The following SLC20A2 variants were observed in gnomAD, a reference collection of about 807,000 sequenced individuals.
SLC20A2 encodes sodium-dependent phosphate transporter 2.
Under a neutral mutation model 61.0 loss-of-function variants are expected in SLC20A2, and 30 were observed. That is an observed-to-expected ratio of 0.49 (90% CI 0.37 to 0.67). The LOEUF (loss-of-function observed/expected upper bound fraction) is 0.67, where lower values mean the gene tolerates loss of function less well. Among genes scored for constraint, SLC20A2 ranks in the 30% least tolerant of loss-of-function variants. The pLI is 0.00. For missense variants in SLC20A2, 626 were observed against 866.4 expected, an observed-to-expected ratio of 0.72 and a Z score of 3.48; for synonymous variants, 351 against 353.3, an observed-to-expected ratio of 0.99 and a Z score of 0.07.
At chr8:42,423,381 G>A (rs151234114) in intron 10 of SLC20A2, among the ~76,000 whole-genome samples, 2 of 150,620 alleles carry the variant, frequency 1.3e-5, no homozygotes, top group Non-Finnish European at 3.0e-5. Context: ...ATAGAGACAG[G>A]GTCTCACTAT....
intron 4 of SLC20A2, chr8:42,460,240 G>A (rs1806590741): frequency 5.5e-6 from 2 of 361,496 alleles, no homozygotes; most frequent in African/African-American, 4.1e-5. Flanking sequence ...ACACATTAAA[G>A]CCCTGGAATC....
intron 6 of SLC20A2, among the ~76,000 whole-genome samples, chr8:42,442,522 GT>G (rs1804863911): frequency 1.3e-5 from 2 of 152,172 alleles, no homozygotes; most frequent in African/African-American, 4.8e-5. Flanking sequence ...TGCCACATTA[GT>G]GTGGGTCTAT....
chr8:42,494,421 A>G (rs1181202628), intron 1 of SLC20A2, among the ~76,000 whole-genome samples: 2 of 152,190 alleles, frequency 1.3e-5, no homozygotes, highest in African/African-American at 4.8e-5. Flanking sequence ...CTTATTGAAG[A>G]AAAAAATTAA....
intron 1 of SLC20A2, among the ~76,000 whole-genome samples, chr8:42,473,389 T>G (rs939407362): frequency 6.6e-6 from 1 of 152,082 alleles, no homozygotes; most frequent in African/African-American, 2.4e-5. Context: ...TCCCTCACAA[T>G]GCCCTGGTGT....
At chr8:42,531,925 T>G (rs961867409) in intron 1 of SLC20A2, among the ~76,000 whole-genome samples, 16 of 151,974 alleles carry the variant, frequency 1.1e-4, no homozygotes, top group African/African-American at 3.6e-4. Context: ...TTCAAGAAAT[T>G]CTCCTGCCCC....
intron 1 of SLC20A2, among the ~76,000 whole-genome samples, chr8:42,487,594 T>G (rs978576031): frequency 8.5e-5 from 13 of 152,220 alleles, no homozygotes; most frequent in African/African-American, 2.4e-5. Flanking sequence ...TCTTCATTCC[T>G]TACAGCAACA....
Position 42,437,011 on chromosome 8 carries a change from C to A in SLC20A2, c.1501G>T (p.Ala501Ser). 1 of 1,609,090 alleles carries A rather than the reference C, an allele frequency of 6.2e-7. No homozygotes were observed. ...CACCTCACGTCATTGCCGCCGTGAG[C>A]AAAGGACCCGAAACAGGCGGTGAGG... is the stretch of plus-strand genomic sequence containing the variant. ...QVLTACFGSF[A>S]HGGNDVSNAI... The change falls in exon 8 of 11, where the codon GCT becomes TCT. Residue 501 changes from alanine (A) to serine (S), a missense_variant. Physicochemically the swap from Ala to Ser is moderately conservative, Grantham distance 99. Around this residue, in one of 3 missense-constraint regions of SLC20A2, gnomAD observed 138 missense variants for 228.7 expected, o/e 0.60. Transcript: ENST00000520262. This position sits in a 1 kb window ranked among gnomAD's most constrained non-coding sequence, Gnocchi z 6.4.
chr8:42,508,735 T>C (rs1419622984), intron 1 of SLC20A2, among the ~76,000 whole-genome samples: 2 of 152,048 alleles, frequency 1.3e-5, no homozygotes, highest in Non-Finnish European at 2.9e-5. Context: ...CTCTCAACAG[T>C]AGCAGGAGTA....
At chr8:42,476,184 C>T (rs1388785310) in intron 1 of SLC20A2, among the ~76,000 whole-genome samples, 1 of 150,298 alleles carries the variant, frequency 6.7e-6, no homozygotes, top group East Asian at 2.0e-4. Context: ...GCAAGCTCCG[C>T]CTCCTGGGTT....
intron 6 of SLC20A2, among the ~76,000 whole-genome samples, chr8:42,444,290 T>C (rs1263913913): frequency 6.6e-6 from 1 of 152,210 alleles, no homozygotes; most frequent in African/African-American, 2.4e-5. Context: ...ACATATGGAA[T>C]TGCAGGAACT....
At chr8:42,436,638 G>C (rs527347616) in intron 8 of SLC20A2, among the ~76,000 whole-genome samples, 31 of 152,238 alleles carry the variant, frequency 2.0e-4, no homozygotes, top group Non-Finnish European at 4.1e-4. Flanking sequence ...CTCCTAGCTT[G>C]TCCTGGAGAA....
chr8:42,509,489 T>C (rs1184191462), intron 1 of SLC20A2, among the ~76,000 whole-genome samples: 2 of 152,084 alleles, frequency 1.3e-5, no homozygotes, highest in African/African-American at 4.8e-5. Flanking sequence ...TCCCAGCACT[T>C]TGGGAGGCCA....
chr8:42,513,870 A>C (rs1400812323), intron 1 of SLC20A2, among the ~76,000 whole-genome samples: 2 of 152,206 alleles, frequency 1.3e-5, no homozygotes, highest in African/African-American at 4.8e-5. Context: ...AGTGAAAGGC[A>C]TTCTAGGAAG....
intron 1 of SLC20A2, among the ~76,000 whole-genome samples, chr8:42,495,641 T>A (rs1199414946): frequency 1.3e-5 from 2 of 152,218 alleles, no homozygotes; most frequent in Non-Finnish European, 2.9e-5. Context: ...CAAACTACAG[T>A]TTGGCTCAAA....
At chr8:42,541,628 G>A (rs1214375481) in intron 1 of SLC20A2, 4 of 149,306 alleles carry the variant, frequency 2.7e-5, no homozygotes, top group African/African-American at 9.8e-5. Flanking sequence ...CGTTTCCCGC[G>A]CGCCCGGCCC....
At chr8:42,516,580 CTCAT>C (rs1357611165) in intron 1 of SLC20A2, among the ~76,000 whole-genome samples, 1 of 152,330 alleles carries the variant, frequency 6.6e-6, no homozygotes, top group Non-Finnish European at 1.5e-5. Flanking sequence ...ATAATCTCTA[CTCAT>C]TCATTCAGTT....
rs549681379 is a variant in SLC20A2 at position 42,484,825 on chromosome 8, C to G, written c.-264-12171G>C. 9.1e-6 allele frequency: 3 copies of G among 329,684 alleles called. No homozygotes were observed. In the Admixed American group the frequency reaches 1.1e-4, roughly 12 times the overall value. The allele number at this position is 329,684 out of a possible 1,614,324, so 20.4% of individuals were successfully genotyped here. A position where few individuals can be genotyped will look rare whatever the true frequency, so the allele number is the denominator to read the frequency against. ...CACCTGGGCCTGGCCTTCCAGACCCCGAGGGCATCCAGCCAGCTGGGTGTT... is the reference window on the plus strand; with the variant it reads ...CACCTGGGCCTGGCCTTCCAGACCCGGAGGGCATCCAGCCAGCTGGGTGTT... On this transcript the variant is annotated intron_variant, in intron 1 of 10. Coordinates refer to ENST00000520262, the MANE Select transcript of SLC20A2 (RefSeq NM_001257180.2).
chr8:42,487,376 A>C (rs1367953372), intron 1 of SLC20A2, among the ~76,000 whole-genome samples: 1 of 147,788 alleles, frequency 6.8e-6, no homozygotes, highest in Non-Finnish European at 1.5e-5. Flanking sequence ...ACGGGGTTTC[A>C]CCGTGTTAGC....
intron 7 of SLC20A2, among the ~76,000 whole-genome samples, chr8:42,438,827 C>T (rs556706244): frequency 6.6e-6 from 1 of 152,320 alleles, no homozygotes; most frequent in Admixed American, 6.5e-5. Context: ...AGTGATTCTC[C>T]TGCCTCAGCC....
Sources: allele counts gnomAD v4.1 joint callset (sites outside exome capture counted in the v4.1 genomes callset), GRCh38; gene constraint gnomAD v4.1.1; regional missense constraint gnomAD v4.1.1; non-coding constraint Gnocchi (gnomAD v3.1); transcripts MANE v1.5; gene names NCBI Gene and HGNC (gene_info 2026-07-23, HGNC 2026-07-21).